The following CCDC186 variants were observed in gnomAD, a reference collection of about 807,000 sequenced individuals.
The protein encoded by CCDC186 is coiled-coil domain containing 186, also known as coiled-coil domain-containing protein 186.
In CCDC186, 49 loss-of-function variants were observed where a neutral mutation model predicts 113.7. That is an observed-to-expected ratio of 0.43 (90% CI 0.34 to 0.55). The LOEUF is 0.55. Ranked by LOEUF, CCDC186 falls within the 20% of genes least tolerant of loss-of-function variation. CCDC186 has a pLI of 0.02. For missense variants in CCDC186, 890 were observed against 1,011.1 expected (o/e 0.88, Z 1.62); for synonymous variants, 355 against 345.8 (o/e 1.03, Z -0.30).
At chr10:114,167,951 A>G (rs1389933836) in intron 1 of CCDC186, among the ~76,000 whole-genome samples, 1 of 151,958 alleles carries the variant, frequency 6.6e-6, no homozygotes, top group East Asian at 1.9e-4. Context: ...GCACCACTGT[A>G]CTCCAGCCTG....
chr10:114,135,096 T>C (rs1162716468), intron 9 of CCDC186, 41 bp from the exon 10 acceptor site: 7 of 1,556,372 alleles, frequency 4.5e-6, no homozygotes, highest in South Asian at 2.4e-5. Context: ...CATGTATTCT[T>C]GTTCTTTATA....
intron 11 of CCDC186, 39 bp downstream of exon 11, chr10:114,131,887 GCTT>G: frequency 6.6e-7 from 1 of 1,517,804 alleles, no homozygotes; most frequent in Non-Finnish European, 8.9e-7. Flanking sequence ...TTTAATTTGT[GCTT>G]GTTACGTTGT....
intron 9 of CCDC186, 87 bp downstream of exon 9, chr10:114,135,804 C>T: frequency 9.4e-7 from 1 of 1,060,332 alleles, no homozygotes; most frequent in African/African-American, 1.6e-5. Context: ...TATTAATGTC[C>T]TTTCCCCACC....
chr10:114,150,742 G>A (rs1456937437), intron 4 of CCDC186, among the ~76,000 whole-genome samples: 1 of 152,024 alleles, frequency 6.6e-6, no homozygotes, highest in Non-Finnish European at 1.5e-5. Context: ...TCCGCCTCCC[G>A]GGTTCAAGTG....
intron 14 of CCDC186, 105 bp downstream of exon 14, chr10:114,127,356 T>C (rs1418896009): frequency 1.9e-6 from 2 of 1,043,216 alleles, no homozygotes; most frequent in Admixed American, 2.7e-5. Context: ...CTATAATTAT[T>C]TTTTGAAAGA....
At chr10:114,166,221 C>G (rs2032332666) in intron 1 of CCDC186, among the ~76,000 whole-genome samples, 1 of 152,190 alleles carries the variant, frequency 6.6e-6, no homozygotes, top group African/African-American at 2.4e-5. Flanking sequence ...ATTCTTATCT[C>G]TCAACACATT....
In CCDC186 at chr10:114,151,261, C is replaced by T. The variant is rs147027920; in HGVS notation, c.760-41G>A. 6.0e-4 allele frequency: 791 copies of T among 1,327,172 alleles called. 1 individual carries two copies. The highest frequency in any genetic ancestry group is 6.5e-4 in the Non-Finnish European group (619 of 949,126). The allele number at this position is 1,327,172 out of a possible 1,614,324, so 82.2% of individuals were successfully genotyped here. ...TTTCCAAATTATTTTTATAGCTATACCAAATACACCACCAATACTGCAAAT... is the reference window on the plus strand; with the variant it reads ...TTTCCAAATTATTTTTATAGCTATATCAAATACACCACCAATACTGCAAAT... On this transcript the variant is annotated intron_variant, in intron 3 of 15. Transcript: ENST00000369287.
chr10:114,129,521 A>T (rs1036959188), intron 13 of CCDC186, among the ~76,000 whole-genome samples: 8 of 152,222 alleles, frequency 5.3e-5, no homozygotes, highest in African/African-American at 1.9e-4. Context: ...AATACTTTTT[A>T]AAATAAAAAA....
rs916351968 is a variant in CCDC186 at position 114,123,212 on chromosome 10, C to T, written c.*1931G>A. The T allele has an allele frequency of 6.6e-6, 1 of 152,534 alleles. No homozygotes were observed. The highest frequency in any genetic ancestry group is 2.4e-5 in the African/African-American group (1 of 41,420). 9.4% of individuals were successfully genotyped at this position (152,534 alleles called of 1,614,324 possible). The stretch of plus-strand genomic sequence containing the variant: ...TAATTCAGATTTGATTGCACTTTCC[C>T]TCTTATTTTGATAAATTATTATTGG... On this transcript the variant is annotated 3_prime_UTR_variant, in exon 16 of 16. Transcript: ENST00000369287.
At chr10:114,155,520 T>G (rs2119817007) in intron 3 of CCDC186, among the ~76,000 whole-genome samples, 1 of 151,852 alleles carries the variant, frequency 6.6e-6, no homozygotes. Flanking sequence ...ACCAAAAATA[T>G]AAAAACTAGC....
chr10:114,155,828 C>T (rs2031994647), intron 3 of CCDC186, among the ~76,000 whole-genome samples: 1 of 152,162 alleles, frequency 6.6e-6, no homozygotes, highest in African/African-American at 2.4e-5. Context: ...TTCTAAGTTA[C>T]ATGTGTATTT....
At chr10:114,161,560 A>G (rs2032168372) in intron 2 of CCDC186, 1 of 152,204 alleles carries the variant, frequency 6.6e-6, no homozygotes, top group Non-Finnish European at 1.5e-5. Flanking sequence ...CTACAGGAAA[A>G]TGAGAAAGTT....
rs1475022479 is a variant in CCDC186 at position 114,127,773 on chromosome 10, C to T, written c.2183-102G>A. 5 of 1,067,640 alleles carry T rather than the reference C, an allele frequency of 4.7e-6. No homozygotes were observed. In the African/African-American group the frequency reaches 4.8e-5, roughly 10 times the overall value. The allele number at this position is 1,067,640 out of a possible 1,614,324, so 66.1% of individuals were successfully genotyped here. On this transcript the variant is annotated intron_variant, in intron 13 of 15. Transcript: ENST00000369287. ...GCATCATTTCAAATATTCACTCTAA[C>T]AGAGTTGGACACAGAAGACAACACA...
rs2032393875 is a variant in CCDC186 at position 114,168,337 on chromosome 10, TCA to T, written c.-61-5010_-61-5009del. 1.3e-5 allele frequency: 2 copies of T among 152,208 alleles called. 1 individual carries two copies. The highest frequency in any genetic ancestry group is 4.1e-4 in the South Asian group (2 of 4,830). The allele number at this position is 152,208 out of a possible 1,614,324, so 9.4% of individuals were successfully genotyped here. A position where few individuals can be genotyped will look rare whatever the true frequency, so the allele number is the denominator to read the frequency against. On this transcript the variant is annotated intron_variant, in intron 1 of 15. Transcript: ENST00000369287. ...GGAACTTATTTTTTAATGAAAGAACTCACATTTCTACAAAATTATTTCCATAC... is the reference window on the plus strand; with the variant it reads ...GGAACTTATTTTTTAATGAAAGAACTCATTTCTACAAAATTATTTCCATAC...
At chr10:114,133,101 G>A (rs905266882) in intron 10 of CCDC186, among the ~76,000 whole-genome samples, 9 of 152,212 alleles carry the variant, frequency 5.9e-5, no homozygotes, top group African/African-American at 2.2e-4. Flanking sequence ...TAACCATAGT[G>A]TGGAAAACAG....
intron 14 of CCDC186, among the ~76,000 whole-genome samples, chr10:114,126,652 G>A (rs2030913191): frequency 6.6e-6 from 1 of 152,178 alleles, no homozygotes; most frequent in Admixed American, 6.5e-5. Flanking sequence ...ACCATACCTA[G>A]CTGAGCAATT....
intron 7 of CCDC186, 87 bp from the exon 8 acceptor site, chr10:114,136,333 G>T: frequency 1.2e-6 from 1 of 836,500 alleles, no homozygotes; most frequent in Non-Finnish European, 2.0e-6. Flanking sequence ...TCCTAATGTA[G>T]CATCATATAC....
chr10:114,126,122 T>C lies in CCDC186; in HGVS notation c.2394-17A>G. ...TGAATTATTCTGCAAAACAAAATGA[T>C]AGTATCAGTTGTGTACTTGTAGAAT... is the stretch of plus-strand genomic sequence containing the variant. On this transcript the variant is annotated splice_polypyrimidine_tract_variant and intron_variant, in intron 14 of 15. Transcript: ENST00000369287. 3.1e-6 allele frequency: 5 copies of C among 1,598,026 alleles called. No individual in the cohort carries two copies. Among genetic ancestry groups the C allele is most frequent in the Non-Finnish European group, 4.3e-6 (5 of 1,166,184 alleles).
In CCDC186 at chr10:114,123,023, T is replaced by A. The variant is rs1204494779; in HGVS notation, c.*2120A>T. On this transcript the variant is annotated 3_prime_UTR_variant, in exon 16 of 16. Coordinates refer to ENST00000369287, the MANE Select transcript of CCDC186 (RefSeq NM_018017.4). ...TAGGCATAGGATACTATGGATCAGA[T>A]CACTATTTGGTCTCCATTATACATT... 6.6e-6 allele frequency: 1 copy of A among 152,444 alleles called. No homozygotes were observed. The highest frequency in any genetic ancestry group is 2.4e-5 in the African/African-American group (1 of 41,442). The allele number at this position is 152,444 out of a possible 1,614,324, so 9.4% of individuals were successfully genotyped here.
Sources: allele counts gnomAD v4.1 joint callset (sites outside exome capture counted in the v4.1 genomes callset), GRCh38; gene constraint gnomAD v4.1.1; transcripts MANE v1.5; gene names NCBI Gene and HGNC (gene_info 2026-07-23, HGNC 2026-07-21).